The following HPSE2 variants were observed in gnomAD, a reference collection of about 807,000 sequenced individuals.
The protein encoded by HPSE2 is heparanase 2 (inactive).
A neutral mutation model predicts 60.5 loss-of-function variants in HPSE2; 38 were observed. The ratio of observed to expected loss-of-function variants is 0.63; its 90% confidence interval spans 0.48 to 0.82. The LOEUF is 0.82. HPSE2 is among the 40% of genes least tolerant of loss of function. HPSE2 has a pLI of 0.00. For synonymous variants in HPSE2, 295 were observed against 293.2 expected, an observed-to-expected ratio of 1.01 and a Z score of -0.06; for missense variants, 713 against 740.4, an observed-to-expected ratio of 0.96 and a Z score of 0.43.
chr10:99,235,434 C>G (rs1849806273), intron 1 of HPSE2, 79 bp downstream of exon 1: 5 of 1,323,978 alleles, frequency 3.8e-6, no homozygotes, highest in Non-Finnish European at 5.5e-6. Flanking sequence ...CTTCTTTCCC[C>G]TTTGGAATGG....
intron 11 of HPSE2, among the ~76,000 whole-genome samples, chr10:98,480,752 T>C (rs1486309191): frequency 6.6e-6 from 1 of 152,266 alleles, no homozygotes; most frequent in African/African-American, 2.4e-5. Flanking sequence ...CAACACATTA[T>C]CTTAAAAGTC....
the HPSE2 span, among the ~76,000 whole-genome samples, chr10:99,275,311 T>C: frequency 1.3e-5 from 2 of 152,212 alleles, no homozygotes; most frequent in African/African-American, 4.8e-5. Flanking sequence ...TATTCCTCTT[T>C]AGTACATCTC....
chr10:99,031,879 G>T (rs1048297260), intron 3 of HPSE2, among the ~76,000 whole-genome samples: 1 of 152,174 alleles, frequency 6.6e-6, no homozygotes, highest in African/African-American at 2.4e-5. Flanking sequence ...CACTTTTTAC[G>T]TTTATATAGA....
chr10:98,802,479 C>A (rs1365349605), intron 3 of HPSE2, among the ~76,000 whole-genome samples: 15 of 108,558 alleles, frequency 1.4e-4, no homozygotes, highest in African/African-American at 5.4e-4. Context: ...CCTCCCCCCA[C>A]CCCACAACAG....
chr10:99,087,885 A>G (rs1843378776), intron 3 of HPSE2, among the ~76,000 whole-genome samples: 1 of 152,096 alleles, frequency 6.6e-6, no homozygotes. Flanking sequence ...ATAGATTTCA[A>G]TTGAATTTCT....
intron 5 of HPSE2, among the ~76,000 whole-genome samples, chr10:98,702,015 A>G (rs1004420690): frequency 1.7e-4 from 26 of 152,196 alleles, no homozygotes; most frequent in Non-Finnish European, 3.2e-4. Context: ...AGGCTGTCAA[A>G]TTGGATAAAG....
intron 3 of HPSE2, among the ~76,000 whole-genome samples, chr10:99,092,360 G>A (rs1241893863): frequency 1.3e-5 from 2 of 152,028 alleles, no homozygotes; most frequent in Non-Finnish European, 2.9e-5. Context: ...TTAATAATCA[G>A]GTCAGTAAGT....
chr10:98,662,367 A>G (rs1489631341), intron 6 of HPSE2, among the ~76,000 whole-genome samples: 2 of 152,224 alleles, frequency 1.3e-5, no homozygotes, highest in African/African-American at 4.8e-5. Context: ...TAATAATACT[A>G]TGAAGCCATA....
At chr10:99,261,346 C>T in the HPSE2 span, among the ~76,000 whole-genome samples, 1 of 152,162 alleles carries the variant, frequency 6.6e-6, no homozygotes, top group Non-Finnish European at 1.5e-5. Context: ...CCCCTCCTCA[C>T]ACCCGGTCCG....
In HPSE2 at chr10:98,638,370, G is replaced by C. The variant is rs575311999; in HGVS notation, c.1098+3477C>G. 1.4e-3 allele frequency among the ~76,000 whole-genome samples: 204 copies of C among 149,642 alleles called. 2 individuals carry two copies. Among genetic ancestry groups the C allele is most frequent in the African/African-American group, 4.8e-3 (194 of 40,550 alleles). ...TGCGGCAGGAGAAAGGTGTGAACCC[G>C]GGAGGCGGAGCTTGCAGTGAGCTGA... On this transcript the variant is annotated intron_variant, in intron 7 of 11. Transcript: ENST00000370552.
chr10:99,124,989 G>A (rs1363965598), intron 3 of HPSE2, among the ~76,000 whole-genome samples: 2 of 152,244 alleles, frequency 1.3e-5, no homozygotes, highest in Non-Finnish European at 2.9e-5. Context: ...ATAATGGAGT[G>A]TCCCAAAAGA....
intron 3 of HPSE2, among the ~76,000 whole-genome samples, chr10:99,143,390 A>C (rs180819054): frequency 6.6e-6 from 1 of 152,234 alleles, no homozygotes; most frequent in Non-Finnish European, 1.5e-5. Flanking sequence ...GCTTACAAAA[A>C]TAAGTGTGAG....
chr10:99,292,726 G>C, the HPSE2 span, among the ~76,000 whole-genome samples: 2 of 152,002 alleles, frequency 1.3e-5, no homozygotes, highest in African/African-American at 2.4e-5. Context: ...ATATAAAAAT[G>C]AGATATTTTA....
intron 6 of HPSE2, among the ~76,000 whole-genome samples, chr10:98,668,960 T>C (rs1203597108): frequency 1.3e-5 from 2 of 151,642 alleles, no homozygotes; most frequent in African/African-American, 2.4e-5. Flanking sequence ...ATGGAGTAAA[T>C]AGCCTAGAGA....
intron 9 of HPSE2, among the ~76,000 whole-genome samples, chr10:98,559,630 C>A (rs1485983008): frequency 6.6e-6 from 1 of 152,186 alleles, no homozygotes; most frequent in African/African-American, 2.4e-5. Flanking sequence ...TTATTGACTA[C>A]TTGTTATGTG....
intron 3 of HPSE2, among the ~76,000 whole-genome samples, chr10:98,760,946 C>A (rs994558048): frequency 1.3e-5 from 2 of 152,014 alleles, no homozygotes; most frequent in African/African-American, 4.8e-5. Flanking sequence ...CCATCTGGTC[C>A]TGGGCTTTAC....
chr10:98,830,510 C>G (rs1432180809), intron 3 of HPSE2, among the ~76,000 whole-genome samples: 1 of 152,108 alleles, frequency 6.6e-6, no homozygotes, highest in African/African-American at 2.4e-5. Context: ...TAACAGAACA[C>G]TGGGCCTCAG....
At chr10:98,683,730 T>C (rs779798713) in intron 6 of HPSE2, among the ~76,000 whole-genome samples, 8 of 151,846 alleles carry the variant, frequency 5.3e-5, no homozygotes, top group Non-Finnish European at 1.2e-4. Context: ...TCAGAAGGAA[T>C]GCACAAAAAA....
At chr10:98,849,656 A>AC (rs1229567407) in intron 3 of HPSE2, among the ~76,000 whole-genome samples, 1 of 152,170 alleles carries the variant, frequency 6.6e-6, no homozygotes, top group Non-Finnish European at 1.5e-5. Flanking sequence ...AATTAGGAAG[A>AC]CCCCATTCTT....
Sources: allele counts gnomAD v4.1 joint callset (sites outside exome capture counted in the v4.1 genomes callset), GRCh38; gene constraint gnomAD v4.1.1; transcripts MANE v1.5; gene names NCBI Gene and HGNC (gene_info 2026-07-23, HGNC 2026-07-21).